Variants in LRRC74B observed in about 807,000 individuals in gnomAD.
LRRC74B encodes leucine rich repeat containing 74B.
LRRC74B carries 30 observed loss-of-function variants against 16.6 expected under a neutral mutation model. The ratio of observed to expected loss-of-function variants is 1.80; its 90% CI spans 1.35 to 2.45. The LOEUF (loss-of-function observed/expected upper bound fraction) is 2.45. Among genes scored for constraint, LRRC74B ranks in the 30% most tolerant of loss-of-function variants. LRRC74B has a pLI of 0.00. For synonymous variants in LRRC74B, 134 were observed against 86.0 expected, an observed-to-expected ratio of 1.56 and a Z score of -3.09; for missense variants, 326 against 202.4, an observed-to-expected ratio of 1.61 and a Z score of -3.71.
intron 4 of LRRC74B, among the ~76,000 whole-genome samples, chr22:21,051,325 T>C (rs1177878020): frequency 6.6e-6 from 1 of 152,074 alleles, no homozygotes; most frequent in Non-Finnish European, 1.5e-5. Flanking sequence ...CGCTGGAGGG[T>C]TCTGTTCGGC....
intron 4 of LRRC74B, among the ~76,000 whole-genome samples, chr22:21,050,973 T>C (rs113799687): frequency 0.087 from 6,704 of 77,010 alleles, 432 homozygotes; most frequent in African/African-American, 0.25. Flanking sequence ...AGAGCGAGAC[T>C]CCGTCTCAAA....
chr22:21,056,805 T>A, intron 7 of LRRC74B: 1 of 347,362 alleles, frequency 2.9e-6, no homozygotes, highest in South Asian at 4.1e-5. Context: ...ACTGCGCTGA[T>A]CACACCACAT....
chr22:21,053,445 CCAA>C (rs1379866228), exon 6 of LRRC74B: 2 of 717,220 alleles, frequency 2.8e-6, no homozygotes, highest in Non-Finnish European at 5.2e-6. Context: ...GCTCTGAAGG[CCAA>C]CAACGTGTTG....
intron 7 of LRRC74B, chr22:21,056,773 G>C (rs1341814280): frequency 8.1e-6 from 2 of 247,124 alleles, no homozygotes; most frequent in Non-Finnish European, 1.5e-5. Flanking sequence ...TCCCTCCCAG[G>C]GGAGCTGGTG....
intron 7 of LRRC74B, among the ~76,000 whole-genome samples, chr22:21,055,640 C>T (rs542391242): frequency 3.2e-4 from 49 of 152,230 alleles, no homozygotes; most frequent in South Asian, 1.5e-3. Flanking sequence ...GGAGGCAAGC[C>T]GGGAGCAGGT....
At chr22:21,062,764 A>G (rs9625446), downstream of LRRC74B, 1,327 of 151,010 alleles carry the variant, frequency 8.8e-3, 24 homozygotes, top group African/African-American at 0.031. Context: ...GCACTGGCAC[A>G]TGCTTATAAT....
downstream of LRRC74B, chr22:21,062,463 C>T (rs1016050865): frequency 6.6e-6 from 1 of 152,012 alleles, no homozygotes; most frequent in African/African-American, 2.4e-5. Flanking sequence ...GCCCATAATC[C>T]CAGCACTTTG....
chr22:21,055,136 G>A (rs1462936274), exon 7 of LRRC74B: 1 of 717,170 alleles, frequency 1.4e-6, no homozygotes, highest in Non-Finnish European at 2.6e-6. Context: ...CTGAGCCTGG[G>A]CCTGGGCCTC....
At chr22:21,047,188 C>G (rs958088453) in intron 1 of LRRC74B, among the ~76,000 whole-genome samples, 168 bp from the exon 2 acceptor site, 1 of 152,086 alleles carries the variant, frequency 6.6e-6, no homozygotes, top group African/African-American at 2.4e-5. Context: ...ATTTGCGTTG[C>G]CTGAGGCTTG....
chr22:21,050,777 C>CAAA (rs71188205), intron 4 of LRRC74B, among the ~76,000 whole-genome samples: 33 of 104,142 alleles, frequency 3.2e-4, no homozygotes, highest in East Asian at 5.9e-4. Flanking sequence ...GACTCTGTCT[C>CAAA]AAAAAAAAAA....
chr22:21,056,460 C>G (rs413914), intron 7 of LRRC74B: 3,866 of 152,136 alleles, frequency 0.025, 63 homozygotes, highest in Non-Finnish European at 0.041. Context: ...TGAGATCTCA[C>G]CACTGCACTC....
intron 4 of LRRC74B, 104 bp downstream of exon 4, chr22:21,049,261 C>G: frequency 3.3e-6 from 2 of 607,910 alleles, no homozygotes; most frequent in Non-Finnish European, 6.0e-6. Flanking sequence ...GGAGCATGTG[C>G]TCTGGTTCCT....
At chr22:21,048,802 A>T in intron 3 of LRRC74B, 149 bp from the exon 4 acceptor site, 1 of 608,432 alleles carries the variant, frequency 1.6e-6, no homozygotes, top group Non-Finnish European at 3.0e-6. Context: ...GGACCCAGCC[A>T]TTGGGAGCCA....
At chr22:21,048,553 A>C (rs1929684886) in intron 3 of LRRC74B, 1 of 287,916 alleles carries the variant, frequency 3.5e-6, no homozygotes, top group Non-Finnish European at 6.7e-6. Flanking sequence ...AAGTGGTCAG[A>C]AGAGTGTGTG....
chr22:21,050,511 G>A (rs970706188), intron 4 of LRRC74B, among the ~76,000 whole-genome samples: 1 of 151,302 alleles, frequency 6.6e-6, no homozygotes, highest in African/African-American at 2.4e-5. Flanking sequence ...GGGCCCGGTG[G>A]CTCACGCCTG....
At chr22:21,060,511 G>A (rs1222332638) in exon 9 of LRRC74B, 1 of 713,714 alleles carries the variant, frequency 1.4e-6, no homozygotes, top group Non-Finnish European at 2.6e-6. Flanking sequence ...AGCCCTGCCA[G>A]CGTCTGTCCC....
At chr22:21,048,580 C>T (rs1469643853) in intron 3 of LRRC74B, 2 of 313,998 alleles carry the variant, frequency 6.4e-6, no homozygotes, top group Non-Finnish European at 1.2e-5. Context: ...GTACGTGCTC[C>T]ATGCATGGCC....
At chr22:21,054,114 A>G (rs1440573346) in intron 6 of LRRC74B, 1 of 152,170 alleles carries the variant, frequency 6.6e-6, no homozygotes, top group East Asian at 1.9e-4. Flanking sequence ...TCCATTAAGG[A>G]CAGGATTTTG....
chr22:21,054,333 G>A (rs1451932827), intron 6 of LRRC74B, among the ~76,000 whole-genome samples: 1 of 152,264 alleles, frequency 6.6e-6, no homozygotes, highest in Non-Finnish European at 1.5e-5. Flanking sequence ...ACCCTGACAA[G>A]TGGGCCCCAG....
Sources: gnomAD v4.1 joint callset for allele counts (sites outside exome capture counted in the v4.1 genomes callset) on GRCh38, gnomAD v4.1.1 for gene constraint, MANE v1.5 for transcripts, NCBI Gene and HGNC (gene_info 2026-07-23, HGNC 2026-07-21) for gene names.